The following DENND3 variants were observed in gnomAD, a reference collection of about 807,000 sequenced individuals.
The protein encoded by DENND3 is DENN domain-containing protein 3.
DENND3 carries 88 observed loss-of-function variants against 135.1 expected under a neutral mutation model. The observed-to-expected ratio is 0.65, with a 90% CI of 0.55 to 0.78. The LOEUF (loss-of-function observed/expected upper bound fraction) is 0.78, where lower values mean the gene tolerates loss of function less well. Ranked by LOEUF, DENND3 falls within the 30% of genes least tolerant of loss-of-function variation. The pLI is 0.00. For synonymous variants in DENND3, 693 were observed against 712.3 expected (o/e 0.97, Z 0.43); for missense variants, 1,392 against 1,688.4 (o/e 0.82, Z 3.08).
chr8:141,155,471 T>C (rs1266876661), intron 7 of DENND3, among the ~76,000 whole-genome samples: 1 of 151,944 alleles, frequency 6.6e-6, no homozygotes, highest in Admixed American at 6.6e-5. Context: ...TGGTGTGATC[T>C]CGGCTCACTG....
chr8:141,190,442 G>A (rs1308172336), intron 20 of DENND3, 25 bp downstream of exon 20: 1 of 1,590,686 alleles, frequency 6.3e-7, no homozygotes, highest in East Asian at 2.3e-5. Context: ...TGCCATCAGA[G>A]CGGGCACCCT....
chr8:141,160,914 C>A, intron 9 of DENND3, 127 bp downstream of exon 9: 1 of 1,215,284 alleles, frequency 8.2e-7, no homozygotes, highest in Non-Finnish European at 1.1e-6. Context: ...CATGAGTGGT[C>A]CCCGCCCCCT....
Position 141,150,858 on chromosome 8 carries a change from A to G in DENND3, c.760A>G (p.Ile254Val), listed in dbSNP as rs531863353. 6.2e-7 allele frequency: 1 copy of G among 1,605,432 alleles called. No homozygotes were observed. The highest frequency in any genetic ancestry group is 1.1e-5 in the South Asian group (1 of 89,828). Residue 254 changes from isoleucine to valine, a missense_variant, in exon 6 of 23, where the codon ATT becomes GTT. By Grantham distance (29) the Ile-to-Val change is conservative. Transcript: ENST00000519811. Reference protein sequence around the residue: ...HLVFNMKSLQIVLPARADPES... With the variant: ...HLVFNMKSLQVVLPARADPES... ...GGTATTTAACATGAAGTCGCTCCAG[A>G]TTGTGTTACCTGCCCGAGCAGACCC...
At chr8:141,155,254 C>T (rs936832999) in intron 7 of DENND3, among the ~76,000 whole-genome samples, 4 of 151,958 alleles carry the variant, frequency 2.6e-5, no homozygotes, top group African/African-American at 7.3e-5. Flanking sequence ...ACATTGGTTA[C>T]GTTGACACAG....
In DENND3 at chr8:141,185,218, G is replaced by T. The variant is rs1334592230; in HGVS notation, c.3024G>T (p.Val1008=). Residue 1008 remains valine, a synonymous_variant, in exon 18 of 23, where the codon GTG becomes GTT. Transcript: ENST00000519811. ...CTCTGAGCGAAGGCAAGGTGACCGT[G>T]TTCAATGCTTCTTCATGGACCATCC... ...WCALSEGKVT[V]FNASSWTIHQ... is the part of the protein sequence containing the mutation. The T allele has an allele frequency of 5.0e-6, 8 of 1,614,252 alleles. No individual in the cohort carries two copies. Among genetic ancestry groups the T allele is most frequent in the Non-Finnish European group, 6.8e-6 (8 of 1,180,048 alleles).
Position 141,192,675 on chromosome 8 carries a change from G to A in DENND3, c.3636+12G>A. 1.9e-6 allele frequency: 3 copies of A among 1,606,144 alleles called. No homozygotes were observed. Among genetic ancestry groups the A allele is most frequent in the Non-Finnish European group, 2.6e-6 (3 of 1,175,004 alleles). ...GGGTGAAGAAGCAGGTAGGGTGGAG[G>A]GCCCGCCATCCCCAGCATCCCCGGC... is the stretch of plus-strand genomic sequence containing the variant. On this transcript the variant is annotated intron_variant, in intron 22 of 22. Transcript: ENST00000519811.
Position 141,194,380 on chromosome 8 carries a change from C to T in DENND3, c.*147C>T, listed in dbSNP as rs1339601036. 3.2e-5 allele frequency: 30 copies of T among 943,526 alleles called. No individual in the cohort carries two copies. Among genetic ancestry groups the T allele is most frequent in the Admixed American group, 7.6e-5 (3 of 39,360 alleles). The allele number at this position is 943,526 out of a possible 1,614,324, so 58.4% of individuals were successfully genotyped here. On this transcript the variant is annotated 3_prime_UTR_variant, in exon 23 of 23. Transcript: ENST00000519811. The stretch of plus-strand genomic sequence containing the variant: ...AGCCCACTTACCGTGTGGCCAGCCG[C>T]GAGACCCATGGCCACGCACCTTCTC...
intron 10 of DENND3, 117 bp from the exon 11 acceptor site, chr8:141,165,069 A>G (rs1356369784): frequency 2.3e-5 from 16 of 707,804 alleles, no homozygotes; most frequent in East Asian, 7.7e-5. Context: ...CACTCAGTCA[A>G]TATCCACTGG....
chr8:141,144,040 C>G lies in DENND3; in HGVS notation c.624-108C>G, dbSNP rs1817762131. 1.6e-5 allele frequency: 15 copies of G among 936,104 alleles called. 1 individual carries two copies. The South Asian group carries it at 2.4e-4, about 15-fold the overall frequency. The allele number at this position is 936,104 out of a possible 1,614,324, so 58.0% of individuals were successfully genotyped here. ...TTGCTTTTGGTGAAAGGTCCTGGAGCTGCTGCTGCAGACGCTGGGGAGATT... is the reference window on the plus strand; with the variant it reads ...TTGCTTTTGGTGAAAGGTCCTGGAGGTGCTGCTGCAGACGCTGGGGAGATT... On this transcript the variant is annotated intron_variant, in intron 4 of 22. Transcript: ENST00000519811. This position sits in a 1 kb window ranked among gnomAD's most constrained non-coding sequence, Gnocchi z 4.4.
intron 15 of DENND3, 78 bp downstream of exon 15, chr8:141,176,839 T>G: frequency 6.5e-7 from 1 of 1,538,606 alleles, no homozygotes; most frequent in Non-Finnish European, 8.9e-7. Flanking sequence ...CCTGTGGCAG[T>G]CCTCAGCTGT....
In DENND3 at chr8:141,167,533, C is replaced by A. The variant is rs777927519; in HGVS notation, c.1754-471C>A. Among the ~76,000 whole-genome samples the A allele has an allele frequency of 6.6e-6, 1 of 152,096 alleles. No homozygotes were observed. Among genetic ancestry groups the A allele is most frequent in the African/African-American group, 2.4e-5 (1 of 41,404 alleles). Reference sequence around the variant, plus strand: ...TTGAAGTGTGGCTCAGGCACTTAGTCGCTGTGTACCTGGGACAAGTAACCC... The same window carrying A: ...TTGAAGTGTGGCTCAGGCACTTAGTAGCTGTGTACCTGGGACAAGTAACCC... On this transcript the variant is annotated intron_variant, in intron 12 of 22. Transcript: ENST00000519811. The surrounding 1 kb of genome is among the most constrained non-coding windows in gnomAD (Gnocchi z 4.1).
chr8:141,142,586 A>C (rs973295743), intron 4 of DENND3: 1 of 336,540 alleles, frequency 3.0e-6, no homozygotes, highest in Non-Finnish European at 5.8e-6. Context: ...TGCCATAGAC[A>C]TAAAATATCG....
rs961602585 is a variant in DENND3, at chr8:141,154,348, G to A, written c.1075-1501G>A. On this transcript the variant is annotated intron_variant, in intron 7 of 22. Coordinates refer to ENST00000519811, the MANE Select transcript of DENND3 (RefSeq NM_001352890.3). This position sits in a 1 kb window ranked among gnomAD's most constrained non-coding sequence, Gnocchi z 4.4. Reference sequence around the variant, plus strand: ...CATATCTCAAATATTCCAGGGCTACGCGGTCTCTTAGCCCAGGCCCCTGCC... The same window carrying A: ...CATATCTCAAATATTCCAGGGCTACACGGTCTCTTAGCCCAGGCCCCTGCC... Among the ~76,000 whole-genome samples, 3 of 152,160 alleles carry A rather than the reference G, an allele frequency of 2.0e-5. No homozygotes were observed. Among genetic ancestry groups the A allele is most frequent in the African/African-American group, 7.2e-5 (3 of 41,448 alleles).
At chr8:141,171,724 A>G (rs1821590811) in intron 13 of DENND3, among the ~76,000 whole-genome samples, 2 of 152,150 alleles carry the variant, frequency 1.3e-5, no homozygotes, top group African/African-American at 2.4e-5. Flanking sequence ...GTGTGTGCAC[A>G]GTGGCTGTGG....
Position 141,144,954 on chromosome 8 carries a change from T to G in DENND3, c.735+695T>G, listed in dbSNP as rs1353311786. The stretch of plus-strand genomic sequence containing the variant: ...GAAAATCAAAGTATTTTACTGCAAA[T>G]ATGTTTCTTTGACATATTTTGAAAT... On this transcript the variant is annotated intron_variant, in intron 5 of 22. Transcript: ENST00000519811. The surrounding 1 kb of genome is among the most constrained non-coding windows in gnomAD (Gnocchi z 4.4). 6.6e-6 allele frequency among the ~76,000 whole-genome samples: 1 copy of G among 152,246 alleles called. No individual in the cohort carries two copies. The highest frequency in any genetic ancestry group is 2.4e-5 in the African/African-American group (1 of 41,452).
intron 20 of DENND3, 34 bp downstream of exon 20, chr8:141,190,451 C>T: frequency 1.3e-6 from 2 of 1,577,280 alleles, no homozygotes; most frequent in Non-Finnish European, 1.7e-6. Flanking sequence ...AGCGGGCACC[C>T]TACCTCCCTG....
Position 141,141,132 on chromosome 8 carries a change from A to G in DENND3, c.502-71A>G. On this transcript the variant is annotated intron_variant, in intron 3 of 22. Transcript: ENST00000519811. This position sits in a 1 kb window ranked among gnomAD's most constrained non-coding sequence, Gnocchi z 5.3. ...TCAGCTTGCTGTGTGCTGAAACGTG[A>G]CCCAGTTGGAAACAGATACTGGAAT... The G allele has an allele frequency of 6.2e-7, 1 of 1,609,136 alleles. No homozygotes were observed. The highest frequency in any genetic ancestry group is 8.5e-7 in the Non-Finnish European group (1 of 1,177,196).
intron 18 of DENND3, among the ~76,000 whole-genome samples, chr8:141,187,898 A>G (rs75991610): frequency 0.028 from 4,282 of 152,322 alleles, 145 homozygotes; most frequent in East Asian, 0.17. Context: ...AGTTATAAGC[A>G]TTTCAAGGCT....
In DENND3 at chr8:141,139,965, C is replaced by T. The variant is rs1023489836; in HGVS notation, c.502-1238C>T. Among the ~76,000 whole-genome samples the T allele has an allele frequency of 6.6e-6, 1 of 151,680 alleles. No individual in the cohort carries two copies. The highest frequency in any genetic ancestry group is 6.6e-5 in the Admixed American group (1 of 15,232). ...CTGTGTCACCCAGGCTTTAGTGCAG[C>T]GGTGTGATCACGGCTCACTGCAGCC... On this transcript the variant is annotated intron_variant, in intron 3 of 22. Coordinates refer to ENST00000519811, the MANE Select transcript of DENND3 (RefSeq NM_001352890.3). This position sits in a 1 kb window ranked among gnomAD's most constrained non-coding sequence, Gnocchi z 4.2.
Sources: allele counts gnomAD v4.1 joint callset (sites outside exome capture counted in the v4.1 genomes callset), GRCh38; gene constraint gnomAD v4.1.1; non-coding constraint Gnocchi (gnomAD v3.1); transcripts MANE v1.5; gene names NCBI Gene and HGNC (gene_info 2026-07-23, HGNC 2026-07-21).